The following SLC16A10 variants were observed in gnomAD, a reference collection of about 807,000 sequenced individuals.
The protein encoded by SLC16A10 is monocarboxylate transporter 10.
Under a neutral mutation model 40.0 loss-of-function variants are expected in SLC16A10, and 27 were observed. That is an observed-to-expected ratio of 0.67 (90% confidence interval 0.50 to 0.93). SLC16A10 has a LOEUF of 0.93. Among genes scored for constraint, SLC16A10 ranks in the 40% least tolerant of loss-of-function variants. The pLI is 0.00. For synonymous variants in SLC16A10, 213 were observed against 249.8 expected, an observed-to-expected ratio of 0.85 and a Z score of 1.39; for missense variants, 529 against 658.2, an observed-to-expected ratio of 0.80 and a Z score of 2.15.
At chr6:111,212,200 G>A (rs1366360633) in intron 4 of SLC16A10, among the ~76,000 whole-genome samples, 2 of 152,098 alleles carry the variant, frequency 1.3e-5, no homozygotes, top group Non-Finnish European at 2.9e-5. Flanking sequence ...ACCAACTTGA[G>A]AATCAGCAGA....
At chr6:111,210,018 C>A (rs1366115626) in intron 4 of SLC16A10, among the ~76,000 whole-genome samples, 1 of 151,928 alleles carries the variant, frequency 6.6e-6, no homozygotes, top group Non-Finnish European at 1.5e-5. Context: ...TTGAGCAGGG[C>A]CTTGAAAAAG....
chr6:111,210,065 G>T (rs962407675), intron 4 of SLC16A10, among the ~76,000 whole-genome samples: 3 of 152,158 alleles, frequency 2.0e-5, no homozygotes, highest in African/African-American at 4.8e-5. Context: ...ATTGGAAAAG[G>T]CATTACAGAT....
At chr6:111,121,572 A>G (rs1355657247) in intron 1 of SLC16A10, among the ~76,000 whole-genome samples, 1 of 152,160 alleles carries the variant, frequency 6.6e-6, no homozygotes, top group African/African-American at 2.4e-5. Flanking sequence ...AACAAACAAA[A>G]GAGATTGTAT....
intron 1 of SLC16A10, among the ~76,000 whole-genome samples, chr6:111,158,358 G>A (rs543486136): frequency 1.3e-5 from 2 of 152,248 alleles, no homozygotes; most frequent in South Asian, 2.1e-4. Context: ...TGGCACTAGG[G>A]ACTGGTTTCA....
At chr6:111,191,806 C>CA (rs542851086) in intron 3 of SLC16A10, among the ~76,000 whole-genome samples, 41 of 152,132 alleles carry the variant, frequency 2.7e-4, no homozygotes, top group Middle Eastern at 6.8e-3. Flanking sequence ...TTGTTGGCTG[C>CA]AAAAATGTCT....
At chr6:111,179,457 C>T (rs1295309781) in intron 3 of SLC16A10, among the ~76,000 whole-genome samples, 1 of 152,182 alleles carries the variant, frequency 6.6e-6, no homozygotes, top group African/African-American at 2.4e-5. Flanking sequence ...ACTGTGCTTA[C>T]CTGGTAGCAA....
chr6:111,097,300 T>A (rs1247116018), intron 1 of SLC16A10, among the ~76,000 whole-genome samples: 1 of 152,118 alleles, frequency 6.6e-6, no homozygotes, highest in Non-Finnish European at 1.5e-5. Flanking sequence ...TTACTTTTAT[T>A]TTTTAAATTT....
At position 111,226,786 on chromosome 6, in the gene SLC16A10, G is replaced by A. The variant is rs1186375233; in HGVS notation, c.*4551G>A. On this transcript the variant is annotated 3_prime_UTR_variant, in exon 6 of 6. Transcript: ENST00000368851. ...GCAATTTGTCATTCATAATGGTAAT[G>A]TGGAATAAGAATACATCGTAGAAGG... is the stretch of plus-strand genomic sequence containing the variant. The A allele has an allele frequency of 2.6e-5, 4 of 152,220 alleles. No individual in the cohort carries two copies. Among genetic ancestry groups the A allele is most frequent in the African/African-American group, 9.6e-5 (4 of 41,458 alleles). 9.4% of individuals were successfully genotyped at this position (152,220 alleles called of 1,614,324 possible). A position where few individuals can be genotyped will look rare whatever the true frequency, so the allele number is the denominator to read the frequency against.
chr6:111,148,598 A>G (rs1177559417), intron 1 of SLC16A10, among the ~76,000 whole-genome samples: 3 of 152,192 alleles, frequency 2.0e-5, no homozygotes, highest in African/African-American at 4.8e-5. Context: ...TTGTTTGTGC[A>G]TGACAACTTT....
At chr6:111,130,265 C>G (rs891065896) in intron 1 of SLC16A10, among the ~76,000 whole-genome samples, 1 of 152,142 alleles carries the variant, frequency 6.6e-6, no homozygotes, top group Non-Finnish European at 1.5e-5. Flanking sequence ...GGAGTCAACA[C>G]AATATTTCTA....
intron 1 of SLC16A10, among the ~76,000 whole-genome samples, chr6:111,103,257 G>A (rs1219181672): frequency 1.3e-5 from 2 of 151,750 alleles, no homozygotes; most frequent in Non-Finnish European, 2.9e-5. Context: ...CACTCTTGTC[G>A]CCCAAGCTGG....
At chr6:111,216,991 C>T (rs1306590261) in intron 4 of SLC16A10, among the ~76,000 whole-genome samples, 2 of 152,192 alleles carry the variant, frequency 1.3e-5, no homozygotes, top group African/African-American at 4.8e-5. Flanking sequence ...TACTACCAAC[C>T]TCCAGCTTCC....
intron 1 of SLC16A10, among the ~76,000 whole-genome samples, chr6:111,138,363 T>C (rs527649059): frequency 9.9e-5 from 15 of 152,232 alleles, no homozygotes; most frequent in Admixed American, 8.5e-4. Flanking sequence ...GTCTTATTCA[T>C]CATGATGATT....
chr6:111,222,517 CTG>C lies in SLC16A10; in HGVS notation c.*285_*286del, dbSNP rs1770919319. On this transcript the variant is annotated 3_prime_UTR_variant, in exon 6 of 6. Coordinates refer to ENST00000368851, the MANE Select transcript of SLC16A10 (RefSeq NM_018593.5). ...TCTCAGTAAAAAGCAGCTTTGGAAA[CTG>C]TGAATGATCTTTAGCTTGTACAAAT... 6.2e-6 allele frequency: 2 copies of C among 323,998 alleles called. No individual in the cohort carries two copies. The highest frequency in any genetic ancestry group is 3.6e-5 in the South Asian group (1 of 27,960). 20.1% of individuals were successfully genotyped at this position (323,998 alleles called of 1,614,324 possible). A position where few individuals can be genotyped will look rare whatever the true frequency, so the allele number is the denominator to read the frequency against.
intron 4 of SLC16A10, among the ~76,000 whole-genome samples, chr6:111,216,186 A>G (rs1000960093): frequency 6.6e-6 from 1 of 152,214 alleles, no homozygotes; most frequent in Admixed American, 6.5e-5. Flanking sequence ...AGAACCTGGT[A>G]GTGTCCCTCT....
At chr6:111,132,952 C>T (rs1322004001) in intron 1 of SLC16A10, among the ~76,000 whole-genome samples, 1 of 152,128 alleles carries the variant, frequency 6.6e-6, no homozygotes, top group African/African-American at 2.4e-5. Flanking sequence ...TTTACAGAAT[C>T]AAAAAAACTC....
chr6:111,182,327 T>C (rs1263311915), intron 3 of SLC16A10, among the ~76,000 whole-genome samples: 21 of 144,130 alleles, frequency 1.5e-4, no homozygotes, highest in African/African-American at 5.4e-4. Flanking sequence ...TTTTTTTTTT[T>C]TTTTTCCTTT....
At chr6:111,214,511 C>T (rs1293690271) in intron 4 of SLC16A10, among the ~76,000 whole-genome samples, 1 of 152,194 alleles carries the variant, frequency 6.6e-6, no homozygotes, top group Non-Finnish European at 1.5e-5. Context: ...GGCATCCCTG[C>T]ATATAAGGAA....
At chr6:111,183,904 A>G (rs574378900) in intron 3 of SLC16A10, among the ~76,000 whole-genome samples, 1 of 152,376 alleles carries the variant, frequency 6.6e-6, no homozygotes, top group African/African-American at 2.4e-5. Flanking sequence ...ACCAGGCCTC[A>G]GGTCTGCATA....
Sources: gnomAD v4.1 joint callset for allele counts (sites outside exome capture counted in the v4.1 genomes callset) on GRCh38, gnomAD v4.1.1 for gene constraint, MANE v1.5 for transcripts, NCBI Gene and HGNC (gene_info 2026-07-23, HGNC 2026-07-21) for gene names.